Variants in RAD52 observed in about 807,000 individuals in gnomAD.
RAD52 encodes RAD52 DNA repair protein.
In RAD52, 47 loss-of-function variants were observed where a neutral mutation model predicts 55.5. That is an observed-to-expected ratio of 0.85 (90% CI 0.67 to 1.08). RAD52 has a LOEUF of 1.08. RAD52 is among the 50% of genes least tolerant of loss of function. The pLI is 0.00. For missense variants in RAD52, 468 were observed against 522.8 expected, an observed-to-expected ratio of 0.90 and a Z score of 1.02; for synonymous variants, 184 against 198.9, an observed-to-expected ratio of 0.92 and a Z score of 0.63.
At chr12:927,066 C>A in intron 6 of RAD52, 79 bp downstream of exon 6, 1 of 1,528,232 alleles carries the variant, frequency 6.5e-7, no homozygotes, top group Non-Finnish European at 9.0e-7. Flanking sequence ...GGATGTGTTA[C>A]CTCTTCCAAA....
At chr12:917,734 G>A (rs1391794226) in intron 7 of RAD52, among the ~76,000 whole-genome samples, 4 of 134,826 alleles carry the variant, frequency 3.0e-5, no homozygotes, top group Non-Finnish European at 6.4e-5. Flanking sequence ...AAAATCGAAG[G>A]AACTCCTGAG....
At chr12:945,634 C>G (rs767284233) in intron 1 of RAD52, among the ~76,000 whole-genome samples, 5 of 151,140 alleles carry the variant, frequency 3.3e-5, no homozygotes, top group Admixed American at 6.6e-5. Context: ...AGGGGTTTCA[C>G]CATGTTGGCC....
chr12:934,978 G>A (rs936920144), intron 1 of RAD52, among the ~76,000 whole-genome samples: 2 of 152,016 alleles, frequency 1.3e-5, no homozygotes, highest in African/African-American at 4.8e-5. Flanking sequence ...AGCCGGATGT[G>A]GTGGCAGGCG....
At chr12:970,059 AG>A (rs1335047847) in intron 1 of RAD52, among the ~76,000 whole-genome samples, 1 of 79,638 alleles carries the variant, frequency 1.3e-5, no homozygotes, top group Non-Finnish European at 2.7e-5. Flanking sequence ...CTATAATCCC[AG>A]CACTTTGGGA....
rs7963551 is a variant in RAD52, at chr12:912,349, T to G, written c.*1042A>C. 0.13 allele frequency: 27,139 copies of G among 201,738 alleles called. 2,112 individuals are homozygous for G. Among genetic ancestry groups the G allele is most frequent in the Middle Eastern group, 0.23 (138 of 604 alleles). The allele number at this position is 201,738 out of a possible 1,614,324, so 12.5% of individuals were successfully genotyped here. A position where few individuals can be genotyped will look rare whatever the true frequency, so the allele number is the denominator to read the frequency against. On this transcript the variant is annotated 3_prime_UTR_variant, in exon 12 of 12. Transcript: ENST00000358495. Reference sequence around the variant, plus strand: ...CCTCTTCAGCTGCAGTGTATCTTCTTATACAAAAACTCTGTTTCATGCACA... The same window carrying G: ...CCTCTTCAGCTGCAGTGTATCTTCTGATACAAAAACTCTGTTTCATGCACA...
At chr12:940,365 A>G (rs539114986) in intron 1 of RAD52, among the ~76,000 whole-genome samples, 2 of 151,588 alleles carry the variant, frequency 1.3e-5, no homozygotes, top group Admixed American at 1.3e-4. Context: ...TTGGGAGGCC[A>G]AGGCGGGCGG....
chr12:938,503 T>C (rs1325173168), intron 1 of RAD52, among the ~76,000 whole-genome samples: 1 of 152,076 alleles, frequency 6.6e-6, no homozygotes, highest in Non-Finnish European at 1.5e-5. Context: ...GCCAACATGG[T>C]ACAATTCCCG....
At chr12:988,294 G>T (rs779673929) in intron 1 of RAD52, among the ~76,000 whole-genome samples, 20 of 151,930 alleles carry the variant, frequency 1.3e-4, no homozygotes, top group Non-Finnish European at 2.2e-4. Context: ...TTAAACCTTG[G>T]ATTGTTACTT....
rs1958291732 is a variant in RAD52, at chr12:947,355, AC to A, written c.-19+2246del. Among the ~76,000 whole-genome samples the A allele has an allele frequency of 2.6e-5, 4 of 150,982 alleles. No individual in the cohort carries two copies. The South Asian group carries it at 8.4e-4, about 32-fold the overall frequency. ...AAAAAAACAACAGACAAACAAAAAAACAAAACTCCCGCCCAGGTGTGGTGGC... is the reference window on the plus strand; with the variant it reads ...AAAAAAACAACAGACAAACAAAAAAAAAAACTCCCGCCCAGGTGTGGTGGC... On this transcript the variant is annotated intron_variant, in intron 1 of 11. Transcript: ENST00000358495.
intron 6 of RAD52, chr12:926,722 G>T (rs1053012364): frequency 3.6e-6 from 5 of 1,382,638 alleles, no homozygotes; most frequent in South Asian, 1.3e-5. Flanking sequence ...CCAGCCTCTG[G>T]TATTCCTGTA....
At chr12:967,450 C>T (rs910630130) in intron 1 of RAD52, among the ~76,000 whole-genome samples, 2 of 151,716 alleles carry the variant, frequency 1.3e-5, no homozygotes, top group African/African-American at 4.9e-5. Context: ...TTACTGCCCA[C>T]GTAACCATCA....
intron 7 of RAD52, among the ~76,000 whole-genome samples, chr12:918,714 GTGT>G (rs1411038432): frequency 6.6e-6 from 1 of 152,028 alleles, no homozygotes; most frequent in South Asian, 2.1e-4. Context: ...CGGCCAATCT[GTGT>G]TGTTAAAAGC....
At chr12:978,468 G>C (rs573040040) in intron 1 of RAD52, among the ~76,000 whole-genome samples, 34 of 152,230 alleles carry the variant, frequency 2.2e-4, no homozygotes, top group African/African-American at 7.9e-4. Context: ...TATATAACTA[G>C]GTTCATTTGC....
intron 1 of RAD52, among the ~76,000 whole-genome samples, chr12:979,367 G>A (rs915279120): frequency 2.0e-5 from 3 of 151,912 alleles, no homozygotes; most frequent in Non-Finnish European, 4.4e-5. Context: ...CTTGAACCTG[G>A]GAGGTGGAGG....
chr12:982,238 A>C (rs1466356167), intron 1 of RAD52, among the ~76,000 whole-genome samples: 2 of 152,164 alleles, frequency 1.3e-5, no homozygotes, highest in African/African-American at 4.8e-5. Flanking sequence ...GACAGTGTTT[A>C]TGCTGGTATA....
chr12:970,855 C>G (rs1444426821), intron 1 of RAD52, among the ~76,000 whole-genome samples: 1 of 152,046 alleles, frequency 6.6e-6, no homozygotes, highest in Non-Finnish European at 1.5e-5. Flanking sequence ...TAACCAAAGC[C>G]AGGTACATCC....
At chr12:975,461 G>A (rs1028038928) in intron 1 of RAD52, 2 of 152,128 alleles carry the variant, frequency 1.3e-5, no homozygotes, top group Admixed American at 1.3e-4. Context: ...AATGCTTTAA[G>A]AGATATTTAA....
intron 5 of RAD52, among the ~76,000 whole-genome samples, chr12:928,737 G>A (rs966585435): frequency 1.1e-4 from 17 of 151,904 alleles, no homozygotes; most frequent in Non-Finnish European, 2.1e-4. Flanking sequence ...AAACACAATT[G>A]TCTGGTCAAT....
chr12:921,456 A>T (rs1342826807), intron 7 of RAD52, among the ~76,000 whole-genome samples: 1 of 152,020 alleles, frequency 6.6e-6, no homozygotes, highest in African/African-American at 2.4e-5. Flanking sequence ...TACAAAAAAT[A>T]AAAAAATTAG....
Sources: gnomAD v4.1 joint callset for allele counts (sites outside exome capture counted in the v4.1 genomes callset) on GRCh38, gnomAD v4.1.1 for gene constraint, MANE v1.5 for transcripts, NCBI Gene and HGNC (gene_info 2026-07-23, HGNC 2026-07-21) for gene names.